PLPPR4: variants seen among roughly 807,000 people sequenced by gnomAD.
The protein encoded by PLPPR4 is phospholipid phosphatase related 4.
In PLPPR4, 24 loss-of-function variants were observed where a neutral mutation model predicts 56.6. The observed-to-expected ratio is 0.42, with a 90% CI of 0.31 to 0.60. PLPPR4 has a LOEUF of 0.60. PLPPR4 is among the 20% of genes least tolerant of loss of function. The pLI is 0.13. For missense variants in PLPPR4, 654 were observed against 885.8 expected, an observed-to-expected ratio of 0.74 and a Z score of 3.32; for synonymous variants, 326 against 328.1, an observed-to-expected ratio of 0.99 and a Z score of 0.07.
intron 3 of PLPPR4, among the ~76,000 whole-genome samples, chr1:99,297,329 A>G (rs1659768843): frequency 6.6e-6 from 1 of 152,110 alleles, no homozygotes; most frequent in South Asian, 2.1e-4. Flanking sequence ...GTACTGCATC[A>G]TGGCCATTTT....
chr1:99,300,709 T>A (rs1213740502), intron 4 of PLPPR4, among the ~76,000 whole-genome samples, 200 bp from the exon 5 acceptor site: 1 of 152,076 alleles, frequency 6.6e-6, no homozygotes, highest in East Asian at 1.9e-4. Flanking sequence ...ACATCACTAC[T>A]ATTTGTTAAT....
intron 6 of PLPPR4, among the ~76,000 whole-genome samples, chr1:99,304,953 C>CA (rs1177516726): frequency 1.3e-5 from 2 of 151,696 alleles, no homozygotes; most frequent in African/African-American, 4.8e-5. Context: ...AAATCTAAAA[C>CA]AAACAAAAAA....
chr1:99,285,472 A>G (rs1310594463), intron 1 of PLPPR4, among the ~76,000 whole-genome samples: 1 of 152,180 alleles, frequency 6.6e-6, no homozygotes, highest in Non-Finnish European at 1.5e-5. Context: ...AGGAGAGGGA[A>G]GTAGTGAGGC....
intron 3 of PLPPR4, among the ~76,000 whole-genome samples, chr1:99,298,322 C>G (rs1659794105): frequency 1.3e-5 from 2 of 152,082 alleles, no homozygotes. Context: ...AAAGATAAGG[C>G]CAAGCAAACA....
intron 1 of PLPPR4, among the ~76,000 whole-genome samples, chr1:99,279,318 T>C (rs1659266363): frequency 6.6e-6 from 1 of 152,186 alleles, no homozygotes; most frequent in African/African-American, 2.4e-5. Context: ...CAGGAAAACA[T>C]GTGGAACCTT....
rs1659568286 is a variant in PLPPR4 at position 99,289,749 on chromosome 1, T to C, written c.264+1599T>C. On this transcript the variant is annotated intron_variant, in intron 2 of 6. Coordinates refer to ENST00000370185, the MANE Select transcript of PLPPR4 (RefSeq NM_014839.5). Reference sequence around the variant, plus strand: ...GGTTTTCAATAAAATTTGACATACCTTCATGTTAAAAACTCTCAATAAACT... The same window carrying C: ...GGTTTTCAATAAAATTTGACATACCCTCATGTTAAAAACTCTCAATAAACT... 2.0e-5 allele frequency among the ~76,000 whole-genome samples: 3 copies of C among 152,124 alleles called. No individual in the cohort carries two copies. In the South Asian group the frequency reaches 6.2e-4, roughly 31 times the overall value.
chr1:99,306,034 T>C lies in PLPPR4; in HGVS notation c.1172T>C (p.Met391Thr). Reference sequence around the variant, plus strand: ...AGAAATGCGAGCATTCATGCCTCTATGGATTCCGCTCGATCAAAGCAGCTC... The same window carrying C: ...AGAAATGCGAGCATTCATGCCTCTACGGATTCCGCTCGATCAAAGCAGCTC... ...VRRNASIHAS[M>T]DSARSKQLLT... The change falls in exon 7 of 7, where the codon ATG becomes ACG. Residue 391 changes from methionine to threonine, a missense_variant. Coordinates refer to ENST00000370185, the MANE Select transcript of PLPPR4 (RefSeq NM_014839.5). This position sits in a 1 kb window ranked among gnomAD's most constrained non-coding sequence, Gnocchi z 4.0. 6.2e-7 allele frequency: 1 copy of C among 1,614,168 alleles called. No homozygotes were observed. Among genetic ancestry groups the C allele is most frequent in the Non-Finnish European group, 8.5e-7 (1 of 1,180,020 alleles).
intron 2 of PLPPR4, 57 bp downstream of exon 2, chr1:99,288,207 A>G: frequency 2.0e-6 from 3 of 1,487,080 alleles, no homozygotes; most frequent in Non-Finnish European, 2.8e-6. Context: ...AAATCACCAC[A>G]TTTGTATAAT....
intron 1 of PLPPR4, among the ~76,000 whole-genome samples, chr1:99,272,270 T>C (rs1446512667): frequency 6.6e-6 from 1 of 152,002 alleles, no homozygotes. Flanking sequence ...AAATTTTGCT[T>C]TGAAAAGGTT....
At chr1:99,289,530 A>C (rs932202241) in intron 2 of PLPPR4, among the ~76,000 whole-genome samples, 6 of 152,186 alleles carry the variant, frequency 3.9e-5, no homozygotes, top group Middle Eastern at 3.4e-3. Flanking sequence ...AACTATTAAT[A>C]ATGTACTTGG....
intron 1 of PLPPR4, among the ~76,000 whole-genome samples, chr1:99,282,312 C>T (rs1049044219): frequency 6.6e-6 from 1 of 152,124 alleles, no homozygotes; most frequent in Non-Finnish European, 1.5e-5. Flanking sequence ...TATCAACAAT[C>T]TGCCGATTTC....
intron 2 of PLPPR4, among the ~76,000 whole-genome samples, chr1:99,293,874 T>C (rs1460899583): frequency 6.6e-6 from 1 of 152,144 alleles, no homozygotes; most frequent in Non-Finnish European, 1.5e-5. Flanking sequence ...ATATATTTCC[T>C]CTCAAAATCT....
chr1:99,299,273 T>C (rs1412422670), intron 4 of PLPPR4, 43 bp downstream of exon 4: 1 of 1,413,546 alleles, frequency 7.1e-7, no homozygotes, highest in Non-Finnish European at 1.0e-6. Context: ...TTGTTTTCAT[T>C]ATTCAATTGC....
intron 4 of PLPPR4, among the ~76,000 whole-genome samples, chr1:99,300,244 A>G (rs1659851107): frequency 6.6e-6 from 1 of 151,986 alleles, no homozygotes. Context: ...TAATTCATTG[A>G]AACAAATCTC....
In PLPPR4 at chr1:99,306,465, T is replaced by C; in HGVS notation, c.1603T>C (p.Ser535Pro). 6.2e-7 allele frequency: 1 copy of C among 1,614,148 alleles called. No individual in the cohort carries two copies. The highest frequency in any genetic ancestry group is 8.5e-7 in the Non-Finnish European group (1 of 1,180,024). ...CCGAATCATGCAAGTCATAGCCATG[T>C]CCAAGCAGCAGGGTGTCCTCCAAAG... is the stretch of plus-strand genomic sequence containing the variant. ...QPRIMQVIAM[S>P]KQQGVLQSSP... Residue 535 changes from serine (S) to proline (P), a missense_variant, in exon 7 of 7, where the codon TCC becomes CCC. Transcript: ENST00000370185. The surrounding 1 kb of genome is among the most constrained non-coding windows in gnomAD (Gnocchi z 4.0).
At position 99,288,156 on chromosome 1, in the gene PLPPR4, A is replaced by T; in HGVS notation, c.264+6A>T. 1 of 1,612,404 alleles carries T rather than the reference A, an allele frequency of 6.2e-7. No homozygotes were observed. On this transcript the variant is annotated splice_donor_region_variant and intron_variant, in intron 2 of 6. Transcript: ENST00000370185. ...TTGCTGGACCTGCAATTACGGTAAGAATTACCCCCAAAATTGTGTTTATCT... is the reference window on the plus strand; with the variant it reads ...TTGCTGGACCTGCAATTACGGTAAGTATTACCCCCAAAATTGTGTTTATCT...
At chr1:99,284,019 G>C (rs905257838) in intron 1 of PLPPR4, among the ~76,000 whole-genome samples, 3 of 152,068 alleles carry the variant, frequency 2.0e-5, no homozygotes, top group Non-Finnish European at 4.4e-5. Context: ...CATGACTAGA[G>C]AATAAAATTT....
At chr1:99,277,453 G>A (rs1326699906) in intron 1 of PLPPR4, among the ~76,000 whole-genome samples, 1 of 152,148 alleles carries the variant, frequency 6.6e-6, no homozygotes, top group Admixed American at 6.5e-5. Context: ...TTAATAGTCA[G>A]TCCTCTTCAA....
intron 3 of PLPPR4, among the ~76,000 whole-genome samples, chr1:99,297,582 T>C (rs185495766): frequency 6.6e-6 from 1 of 152,154 alleles, no homozygotes; most frequent in Non-Finnish European, 1.5e-5. Flanking sequence ...TAAGTCCGCA[T>C]AAAGTTATTT....
Sources: allele counts gnomAD v4.1 joint callset (sites outside exome capture counted in the v4.1 genomes callset), GRCh38; gene constraint gnomAD v4.1.1; non-coding constraint Gnocchi (gnomAD v3.1); transcripts MANE v1.5; gene names NCBI Gene and HGNC (gene_info 2026-07-23, HGNC 2026-07-21).